The following FAM53A variants were observed in gnomAD, a reference collection of about 807,000 sequenced individuals.
FAM53A encodes protein FAM53A.
FAM53A carries 28 observed loss-of-function variants against 26.6 expected under a neutral mutation model. The ratio of observed to expected loss-of-function variants is 1.05; its 90% CI spans 0.78 to 1.45. The LOEUF (loss-of-function observed/expected upper bound fraction) is 1.45. FAM53A is among the 40% of genes most tolerant of loss of function. FAM53A has a pLI of 0.00. For synonymous variants in FAM53A, 290 were observed against 253.1 expected, an observed-to-expected ratio of 1.15 and a Z score of -1.38; for missense variants, 650 against 575.8, an observed-to-expected ratio of 1.13 and a Z score of -1.32.
chr4:1,643,369 G>C (rs1577105011), intron 4 of FAM53A, among the ~76,000 whole-genome samples: 1 of 151,932 alleles, frequency 6.6e-6, no homozygotes, highest in South Asian at 2.1e-4. Context: ...GGGAGGCTGA[G>C]GCAGGAGAAT....
chr4:1,579,968 A>T, the FAM53A span, among the ~76,000 whole-genome samples: 1 of 152,178 alleles, frequency 6.6e-6, no homozygotes, highest in African/African-American at 2.4e-5. Flanking sequence ...AAAAAAGTTA[A>T]TTATCCTTTG....
At chr4:1,646,257 T>C (rs1259338132) in intron 4 of FAM53A, among the ~76,000 whole-genome samples, 1 of 152,096 alleles carries the variant, frequency 6.6e-6, no homozygotes, top group Admixed American at 6.6e-5. Flanking sequence ...TCCGCCACCA[T>C]GCCGGCTAAT....
At chr4:1,586,384 G>A in the FAM53A span, among the ~76,000 whole-genome samples, 3 of 151,902 alleles carry the variant, frequency 2.0e-5, no homozygotes, top group South Asian at 6.2e-4. Context: ...TAGTAGAGAC[G>A]GGGTTTCATC....
chr4:1,605,860 C>G, the FAM53A span, among the ~76,000 whole-genome samples: 1 of 152,126 alleles, frequency 6.6e-6, no homozygotes, highest in South Asian at 2.1e-4. This position sits in a 1 kb window ranked among gnomAD's most constrained non-coding sequence, Gnocchi z 5.7. Flanking sequence ...GCTTCAGAGT[C>G]TTCTCCCCTT....
intron 1 of FAM53A, among the ~76,000 whole-genome samples, chr4:1,624,543 G>C (rs1458531932): frequency 6.6e-6 from 1 of 152,142 alleles, no homozygotes; most frequent in East Asian, 1.9e-4. Flanking sequence ...CCCATTCCAG[G>C]CAAAACCTGT....
chr4:1,586,541 C>T, the FAM53A span, among the ~76,000 whole-genome samples: 2 of 151,822 alleles, frequency 1.3e-5, no homozygotes, highest in African/African-American at 4.8e-5. Context: ...TTTGGGGGTC[C>T]GAGGCGGGCG....
At chr4:1,595,820 T>C in the FAM53A span, among the ~76,000 whole-genome samples, 135 of 152,322 alleles carry the variant, frequency 8.9e-4, 1 homozygote, top group African/African-American at 3.0e-3. Flanking sequence ...ATCTGTGGTC[T>C]ACTGGGGCCC....
chr4:1,668,654 T>C lies in FAM53A; in HGVS notation c.75+13A>G, dbSNP rs1304386870. ...GAGGGGCACCCAGCCTGGTGCCACC[T>C]GCAGCTGCTTACCGGGCCAGCCTCC... On this transcript the variant is annotated intron_variant, in intron 2 of 4. Transcript: ENST00000308132. The C allele has an allele frequency of 6.2e-7, 1 of 1,613,862 alleles. No homozygotes were observed. Among genetic ancestry groups the C allele is most frequent in the African/African-American group, 1.3e-5 (1 of 74,920 alleles).
At chr4:1,652,845 C>T (rs2108887697) in intron 4 of FAM53A, among the ~76,000 whole-genome samples, 2 of 149,444 alleles carry the variant, frequency 1.3e-5, no homozygotes, top group South Asian at 4.3e-4. Context: ...CCACACGCTA[C>T]ACACCACACA....
At chr4:1,595,330 A>G in the FAM53A span, among the ~76,000 whole-genome samples, 1 of 152,222 alleles carries the variant, frequency 6.6e-6, no homozygotes, top group Non-Finnish European at 1.5e-5. Flanking sequence ...GCCATTGGAC[A>G]GTGGCCAGGA....
intron 4 of FAM53A, among the ~76,000 whole-genome samples, chr4:1,650,691 T>C (rs62287693): frequency 0.2 from 30,331 of 150,728 alleles, 3,613 homozygotes; most frequent in Middle Eastern, 0.27. Context: ...AGGCGGGGTT[T>C]CACCATGTTG....
Position 1,641,501 on chromosome 4 carries a change from AG to A in FAM53A, c.988del (p.Leu330SerfsTer30), listed in dbSNP as rs765066869. On this transcript the variant is annotated frameshift_variant, in exon 5 of 5. Coordinates refer to ENST00000308132, the MANE Select transcript of FAM53A (RefSeq NM_001174070.3). LOFTEE classifies it low-confidence loss of function (END_TRUNC). ...GCAGCCAGGCATGGTGATGCCAGGG[AG>A]GCCCCGGGAGTCACATGGGGAGGAC... ...VLSSPCDSRG[L>X]PGITMPGCSQ... 1.2e-6 allele frequency: 2 copies of A among 1,614,158 alleles called. No homozygotes were observed. The highest frequency in any genetic ancestry group is 1.7e-6 in the Non-Finnish European group (2 of 1,180,000).
At chr4:1,618,355 A>G (rs1254542859) in intron 1 of FAM53A, among the ~76,000 whole-genome samples, 1 of 152,136 alleles carries the variant, frequency 6.6e-6, no homozygotes, top group Non-Finnish European at 1.5e-5. Context: ...TCCCAGGAAA[A>G]CCAGGCCCGG....
rs1179198224 is a variant in FAM53A, at chr4:1,659,184, G to A, written c.76-1716C>T. 6.6e-6 allele frequency among the ~76,000 whole-genome samples: 1 copy of A among 152,240 alleles called. No homozygotes were observed. Among genetic ancestry groups the A allele is most frequent in the Non-Finnish European group, 1.5e-5 (1 of 68,040 alleles). Reference sequence around the variant, plus strand: ...CACCCGGCCACACCATGAGGACAGGGCCTGGTGCGGGCCCGGGAACCACAC... The same window carrying A: ...CACCCGGCCACACCATGAGGACAGGACCTGGTGCGGGCCCGGGAACCACAC... On this transcript the variant is annotated intron_variant, in intron 2 of 4. Coordinates refer to ENST00000308132, the MANE Select transcript of FAM53A (RefSeq NM_001174070.3). The surrounding 1 kb of genome is among the most constrained non-coding windows in gnomAD (Gnocchi z 5.2).
the FAM53A span, chr4:1,574,600 C>G: frequency 6.6e-6 from 1 of 152,454 alleles, no homozygotes; most frequent in Admixed American, 6.5e-5. Context: ...CTGGTGCCCC[C>G]ACGCCTCTCT....
intron 4 of FAM53A, among the ~76,000 whole-genome samples, chr4:1,643,200 C>T (rs900717843): frequency 2.0e-5 from 3 of 152,162 alleles, no homozygotes. Context: ...GGCATGGTGG[C>T]TCACACCTGT....
intron 1 of FAM53A, among the ~76,000 whole-genome samples, chr4:1,677,750 G>A (rs1290166445): frequency 6.6e-6 from 1 of 152,172 alleles, no homozygotes; most frequent in Non-Finnish European, 1.5e-5. Flanking sequence ...CCTGAGACCA[G>A]CCTGGCCAAC....
At chr4:1,635,218 A>G (rs1405724243), downstream of FAM53A, among the ~76,000 whole-genome samples, 1 of 152,210 alleles carries the variant, frequency 6.6e-6, no homozygotes, top group African/African-American at 2.4e-5. Context: ...TCTCACAAAG[A>G]AAACCTTGTG....
rs1560174452 is a variant in FAM53A, at chr4:1,657,462, A to G, written c.82T>C (p.Tyr28His). ...CTCTTGTTCAGGGTTTCCGCAGAAT[A>G]CTGCAACTGACAGGAAAGAGAAGTT... ...TCKAEAGPLQ[Y>H]SAETLNKSGR... Residue 28 changes from tyrosine (Y) to histidine (H), a missense_variant, in exon 3 of 5, where the codon TAT becomes CAT. Physicochemically the swap from Tyr to His is moderately conservative, Grantham distance 83. Coordinates refer to ENST00000308132, the MANE Select transcript of FAM53A (RefSeq NM_001174070.3). The G allele has an allele frequency of 6.2e-7, 1 of 1,613,726 alleles. No individual in the cohort carries two copies.
Sources: gnomAD v4.1 joint callset for allele counts (sites outside exome capture counted in the v4.1 genomes callset) on GRCh38, gnomAD v4.1.1 for gene constraint, Gnocchi (gnomAD v3.1) non-coding constraint, MANE v1.5 for transcripts, NCBI Gene and HGNC (gene_info 2026-07-23, HGNC 2026-07-21) for gene names.